The following CELA2B variants were observed in gnomAD, a reference collection of about 807,000 sequenced individuals.
CELA2B encodes chymotrypsin-like elastase family member 2B.
A neutral mutation model predicts 36.5 loss-of-function variants in CELA2B; 27 were observed. The ratio of observed to expected loss-of-function variants is 0.74; its 90% CI spans 0.55 to 1.02. CELA2B has a LOEUF of 1.02. CELA2B is among the 50% of genes least tolerant of loss of function. The pLI is 0.00. For synonymous variants in CELA2B, 143 were observed against 148.5 expected (o/e 0.96, Z 0.27); for missense variants, 340 against 347.8 (o/e 0.98, Z 0.18).
chr1:15,477,038 G>C (rs1440904391), intron 2 of CELA2B, among the ~76,000 whole-genome samples: 2 of 152,134 alleles, frequency 1.3e-5, no homozygotes, highest in African/African-American at 4.8e-5. Context: ...AGTGAAGGGA[G>C]AGGTGCCTCC....
chr1:15,482,056 G>C (rs966807591), intron 3 of CELA2B, among the ~76,000 whole-genome samples: 3 of 152,126 alleles, frequency 2.0e-5, no homozygotes, highest in Non-Finnish European at 4.4e-5. Context: ...GTAGTTTATA[G>C]TTAGTATAGT....
At chr1:15,481,298 A>G in intron 3 of CELA2B, 103 bp downstream of exon 3, 1 of 1,361,664 alleles carries the variant, frequency 7.3e-7, no homozygotes, top group South Asian at 1.2e-5. Context: ...GTAACCTTGC[A>G]AATAACCACT....
intron 4 of CELA2B, among the ~76,000 whole-genome samples, chr1:15,483,034 G>A (rs1210604387): frequency 6.6e-6 from 1 of 152,096 alleles, no homozygotes; most frequent in African/African-American, 2.4e-5. Context: ...TGATCCACTC[G>A]CCTCGGCCTC....
Position 15,477,795 on chromosome 1 carries a change from T to C in CELA2B, c.129+1250T>C, listed in dbSNP as rs184986376. On this transcript the variant is annotated intron_variant, in intron 2 of 7. Transcript: ENST00000375910. ...ACTCTCTTTCTGAACTCATATTTCA[T>C]TGGTTACATATTTAATCAAATTTCA... is the stretch of plus-strand genomic sequence containing the variant. 3.9e-5 allele frequency among the ~76,000 whole-genome samples: 6 copies of C among 152,332 alleles called. No homozygotes were observed. The East Asian group carries it at 5.8e-4, about 15-fold the overall frequency.
At chr1:15,488,158 A>G (rs1225166944) in intron 7 of CELA2B, among the ~76,000 whole-genome samples, 4 of 152,210 alleles carry the variant, frequency 2.6e-5, no homozygotes, top group Non-Finnish European at 5.9e-5. Flanking sequence ...AGGCCAAGGA[A>G]GGAGGATTGC....
intron 6 of CELA2B, 140 bp downstream of exon 6, chr1:15,486,186 G>C (rs764208954): frequency 1.0e-5 from 12 of 1,145,122 alleles, no homozygotes; most frequent in Non-Finnish European, 1.5e-5. Flanking sequence ...AGATATATCA[G>C]AACCTGACCT....
chr1:15,478,288 G>A (rs1015593024), intron 2 of CELA2B, among the ~76,000 whole-genome samples: 1 of 151,748 alleles, frequency 6.6e-6, no homozygotes, highest in African/African-American at 2.4e-5. Context: ...TTGTTGCCCA[G>A]GCTGGAGTGC....
rs3766160 is a variant in CELA2B, at chr1:15,482,377, G to A, written c.340G>A (p.Asp114Asn). 0.26 allele frequency: 418,857 copies of A among 1,613,674 alleles called. 57,479 individuals are homozygous for A. The highest frequency in any genetic ancestry group is 0.54 in the East Asian group (23,991 of 44,842). Reference protein sequence around the residue: ...KIVVHKDWNSDQVSKGNDIAL... With the variant: ...KIVVHKDWNSNQVSKGNDIAL... ...TGTGGTGCACAAGGACTGGAACTCC[G>A]ACCAGGTCTCCAAAGGGTTCGTTTC... The change falls in exon 4 of 8, where the codon GAC becomes AAC. Residue 114 changes from aspartate (D) to asparagine (N), a missense_variant. By Grantham distance (23) the Asp-to-Asn change is conservative. Coordinates refer to ENST00000375910, the MANE Select transcript of CELA2B (RefSeq NM_015849.3).
chr1:15,479,288 T>C (rs1311269542), intron 2 of CELA2B, among the ~76,000 whole-genome samples: 1 of 152,204 alleles, frequency 6.6e-6, no homozygotes, highest in Non-Finnish European at 1.5e-5. Context: ...CTCACGCATG[T>C]AATCCCAACA....
rs1014872979 is a variant in CELA2B, at chr1:15,476,749, G to A, written c.129+204G>A. Among the ~76,000 whole-genome samples, 2 of 152,162 alleles carry A rather than the reference G, an allele frequency of 1.3e-5. No individual in the cohort carries two copies. Among genetic ancestry groups the A allele is most frequent in the Non-Finnish European group, 2.9e-5 (2 of 68,044 alleles). On this transcript the variant is annotated intron_variant, in intron 2 of 7. Transcript: ENST00000375910. ...TGTTATCCCAGCACTTTGGAAGGTC[G>A]TGGTGGGCAGATTACCTGAAGTCAG...
At chr1:15,478,201 C>CAT (rs559488613) in intron 2 of CELA2B, among the ~76,000 whole-genome samples, 68 of 102,170 alleles carry the variant, frequency 6.7e-4, no homozygotes, top group South Asian at 1.6e-3. Flanking sequence ...GAGGCTGAGG[C>CAT]ATATATATAT....
intron 3 of CELA2B, 126 bp from the exon 4 acceptor site, chr1:15,482,139 G>T (rs1708748830): frequency 3.5e-6 from 4 of 1,127,946 alleles, no homozygotes; most frequent in Non-Finnish European, 5.1e-6. Context: ...ACTGTCCCAG[G>T]GGAGGAAAGA....
At chr1:15,479,364 G>C (rs1708714397) in intron 2 of CELA2B, among the ~76,000 whole-genome samples, 1 of 152,000 alleles carries the variant, frequency 6.6e-6, no homozygotes, top group African/African-American at 2.4e-5. Flanking sequence ...GGCCAACATG[G>C]TGAAACCCCG....
chr1:15,485,770 T>C (rs1391145455), intron 5 of CELA2B, 131 bp from the exon 6 acceptor site: 43 of 1,157,402 alleles, frequency 3.7e-5, no homozygotes, highest in Non-Finnish European at 4.5e-5. Context: ...GGACACAGTA[T>C]AGACAAACAT....
At chr1:15,487,073 G>A (rs1459773608) in intron 6 of CELA2B, among the ~76,000 whole-genome samples, 1 of 152,224 alleles carries the variant, frequency 6.6e-6, no homozygotes, top group Non-Finnish European at 1.5e-5. Flanking sequence ...GGATTAATGA[G>A]ATGAGGCATA....
intron 5 of CELA2B, 32 bp from the exon 6 acceptor site, chr1:15,485,869 G>A (rs373761038): frequency 3.7e-5 from 60 of 1,611,404 alleles, no homozygotes; most frequent in African/African-American, 1.1e-4. Context: ...GAGTCCCTGC[G>A]TCCCTAATGG....
rs3737699 is a variant in CELA2B, at chr1:15,481,285, G to A, written c.227+90G>A. ...TCAAATGGCCTGAACCACACTACAT[G>A]AAGTAACCTTGCAAATAACCACTAG... On this transcript the variant is annotated intron_variant, in intron 3 of 7. Transcript: ENST00000375910. 2,213 of 1,465,604 alleles carry A rather than the reference G, an allele frequency of 1.5e-3. 23 individuals are homozygous for A. The East Asian group carries it at 0.021, about 14-fold the overall frequency. 90.8% of individuals were successfully genotyped at this position (1,465,604 alleles called of 1,614,324 possible).
rs768179849 is a variant in CELA2B, at chr1:15,486,030, T to TATA, written c.623_624insATA (p.Val208_Ile209insTer). 1 of 1,613,578 alleles carries TATA rather than the reference T, an allele frequency of 6.2e-7. No homozygotes were observed. The highest frequency in any genetic ancestry group is 1.7e-5 in the Admixed American group (1 of 59,972). ...ATGATCTGTGCTGGGGGTGATGGCG[T>TATA]GATATGCACCTGCAACGTGAGTACC... is the stretch of plus-strand genomic sequence containing the variant. On this transcript the variant is annotated stop_gained and inframe_insertion, in exon 6 of 8. Coordinates refer to ENST00000375910, the MANE Select transcript of CELA2B (RefSeq NM_015849.3). LOFTEE classifies it high-confidence loss of function.
intron 7 of CELA2B, among the ~76,000 whole-genome samples, chr1:15,489,256 G>A (rs1708842333): frequency 6.6e-6 from 1 of 152,170 alleles, no homozygotes; most frequent in Non-Finnish European, 1.5e-5. Context: ...AGCATCAGCT[G>A]TTCCCAGCCA....
Sources: gnomAD v4.1 joint callset for allele counts (sites outside exome capture counted in the v4.1 genomes callset) on GRCh38, gnomAD v4.1.1 for gene constraint, MANE v1.5 for transcripts, NCBI Gene and HGNC (gene_info 2026-07-23, HGNC 2026-07-21) for gene names.